The following C14orf132 variants were observed in gnomAD, a reference collection of about 807,000 sequenced individuals.
The protein encoded by C14orf132 is uncharacterized protein C14orf132.
Under a neutral mutation model 5.8 loss-of-function variants are expected in C14orf132, and 6 were observed. The observed-to-expected ratio is 1.03, with a 90% confidence interval of 0.57 to 2.04. The LOEUF (loss-of-function observed/expected upper bound fraction) is 2.04, where lower values mean the gene tolerates loss of function less well. Ranked by LOEUF, C14orf132 falls within the 30% of genes most tolerant of loss-of-function variation. C14orf132 has a pLI of 0.00. For synonymous variants in C14orf132, 51 were observed against 49.8 expected (o/e 1.02, Z -0.10); for missense variants, 125 against 115.8 (o/e 1.08, Z -0.37).
intron 1 of C14orf132, among the ~76,000 whole-genome samples, chr14:96,055,961 C>T (rs1354762147): frequency 1.3e-5 from 2 of 152,182 alleles, no homozygotes; most frequent in Non-Finnish European, 2.9e-5. Flanking sequence ...CTGGGTGGTA[C>T]TTTCTAAGCT....
intron 1 of C14orf132, among the ~76,000 whole-genome samples, chr14:96,054,288 A>G (rs200460486): frequency 1.3e-5 from 2 of 152,310 alleles, no homozygotes; most frequent in East Asian, 1.9e-4. Flanking sequence ...TGGCCCTGCC[A>G]CTGCGCTGCC....
rs2146934 is a variant in C14orf132 at position 96,092,544 on chromosome 14, C to G, written c.*5809C>G. 0.77 allele frequency: 117,345 copies of G among 152,170 alleles called. 45,669 individuals carry two copies. Among genetic ancestry groups the G allele is most frequent in the East Asian group, 0.95 (4,940 of 5,182 alleles). The allele number at this position is 152,170 out of a possible 1,614,324, so 9.4% of individuals were successfully genotyped here. On this transcript the variant is annotated 3_prime_UTR_variant, in exon 2 of 2. Transcript: ENST00000555004. ...TATCTGTCTCACTGGCTGTCTTTCT[C>G]CCAGTTTCTTAAAGAACCACACCAT...
rs140930817 is a variant in C14orf132 at position 96,092,013 on chromosome 14, C to A, written c.*5278C>A. The A allele has an allele frequency of 1.3e-5, 2 of 152,144 alleles. No homozygotes were observed. The highest frequency in any genetic ancestry group is 2.9e-5 in the Non-Finnish European group (2 of 68,030). The allele number at this position is 152,144 out of a possible 1,614,324, so 9.4% of individuals were successfully genotyped here. A position where few individuals can be genotyped will look rare whatever the true frequency, so the allele number is the denominator to read the frequency against. On this transcript the variant is annotated 3_prime_UTR_variant, in exon 2 of 2. Coordinates refer to ENST00000555004, the MANE Select transcript of C14orf132 (RefSeq NM_001252507.3). ...CAATGCAAATCTTCATGACTGAAGA[C>A]GATCAAAGACTCCCTGGAGCGAGAA...
In C14orf132 at chr14:96,091,054, A is replaced by G. The variant is rs1420662179; in HGVS notation, c.*4319A>G. 1 of 455,320 alleles carries G rather than the reference A, an allele frequency of 2.2e-6. No homozygotes were observed. Among genetic ancestry groups the G allele is most frequent in the Non-Finnish European group, 4.4e-6 (1 of 226,414 alleles). 28.2% of individuals were successfully genotyped at this position (455,320 alleles called of 1,614,324 possible). A position where few individuals can be genotyped will look rare whatever the true frequency, so the allele number is the denominator to read the frequency against. On this transcript the variant is annotated 3_prime_UTR_variant, in exon 2 of 2. Transcript: ENST00000555004. Reference sequence around the variant, plus strand: ...TGGGGGCAGGAATGAGGATGCAGAGAGATGCACGTTAATTACTGTCGCATT... The same window carrying G: ...TGGGGGCAGGAATGAGGATGCAGAGGGATGCACGTTAATTACTGTCGCATT...
intron 1 of C14orf132, among the ~76,000 whole-genome samples, chr14:96,050,560 C>T (rs2139648217): frequency 6.6e-6 from 1 of 151,948 alleles, no homozygotes; most frequent in African/African-American, 2.4e-5. Context: ...TTGAGTGGTC[C>T]CTCTCTCAAA....
chr14:96,069,445 A>T (rs893878229), intron 1 of C14orf132, among the ~76,000 whole-genome samples: 1 of 151,980 alleles, frequency 6.6e-6, no homozygotes, highest in African/African-American at 2.4e-5. Flanking sequence ...CTTTGGAAAT[A>T]TTTAAACTAT....
intron 1 of C14orf132, among the ~76,000 whole-genome samples, chr14:96,068,794 C>A (rs1887612394): frequency 6.6e-6 from 1 of 152,056 alleles, no homozygotes; most frequent in South Asian, 2.1e-4. Context: ...TTTAAAGTGT[C>A]GACTTGGCTG....
At chr14:96,066,717 T>C (rs1015297463) in intron 1 of C14orf132, among the ~76,000 whole-genome samples, 4 of 152,172 alleles carry the variant, frequency 2.6e-5, no homozygotes, top group African/African-American at 9.7e-5. Context: ...AAGTACACAG[T>C]TAACTATAAT....
chr14:96,042,544 T>C (rs2139638633), intron 1 of C14orf132, among the ~76,000 whole-genome samples: 1 of 152,344 alleles, frequency 6.6e-6, no homozygotes, highest in East Asian at 1.9e-4. Flanking sequence ...TTAAATGTGA[T>C]TCCTGTTTTT....
chr14:96,039,403 C>A lies in C14orf132; in HGVS notation c.-98C>A. ...CCGAGTGCGCCGTGCGGTCTCCGGACGCTCGCTGCTCAGCCCGATCCCCGC... is the reference window on the plus strand; with the variant it reads ...CCGAGTGCGCCGTGCGGTCTCCGGAAGCTCGCTGCTCAGCCCGATCCCCGC... On this transcript the variant is annotated 5_prime_UTR_variant, in exon 1 of 2. Coordinates refer to ENST00000555004, the MANE Select transcript of C14orf132 (RefSeq NM_001252507.3). This position sits in a 1 kb window ranked among gnomAD's most constrained non-coding sequence, Gnocchi z 5.3. 4 of 1,256,088 alleles carry A rather than the reference C, an allele frequency of 3.2e-6. No homozygotes were observed. The highest frequency in any genetic ancestry group is 4.2e-6 in the Non-Finnish European group (4 of 957,902). 77.8% of individuals were successfully genotyped at this position (1,256,088 alleles called of 1,614,324 possible).
At chr14:96,068,408 C>T (rs933542960) in intron 1 of C14orf132, among the ~76,000 whole-genome samples, 6 of 152,138 alleles carry the variant, frequency 3.9e-5, no homozygotes, top group Non-Finnish European at 5.9e-5. Flanking sequence ...CGGGGTGCTC[C>T]GTGCCCGTCC....
intron 1 of C14orf132, among the ~76,000 whole-genome samples, chr14:96,066,509 G>A (rs935980363): frequency 7.2e-5 from 11 of 152,126 alleles, no homozygotes; most frequent in Non-Finnish European, 1.6e-4. Flanking sequence ...ACAGAAAATA[G>A]AGCCAGCTCC....
chr14:96,067,853 G>C (rs1276980747), intron 1 of C14orf132, among the ~76,000 whole-genome samples: 1 of 152,038 alleles, frequency 6.6e-6, no homozygotes. Context: ...CTCAATGTTA[G>C]CATATGCAGG....
chr14:96,084,947 G>A (rs2139683533), intron 1 of C14orf132, among the ~76,000 whole-genome samples: 1 of 152,316 alleles, frequency 6.6e-6, no homozygotes, highest in South Asian at 2.1e-4. Flanking sequence ...GCAGGCCAGA[G>A]AGCTTCTGAG....
intron 1 of C14orf132, among the ~76,000 whole-genome samples, chr14:96,074,086 C>T (rs1887789611): frequency 1.3e-5 from 2 of 152,146 alleles, no homozygotes; most frequent in South Asian, 4.1e-4. Context: ...GGGCTTAATA[C>T]CTAGGTGATG....
At chr14:96,046,632 C>T (rs993304675) in intron 1 of C14orf132, among the ~76,000 whole-genome samples, 6 of 152,214 alleles carry the variant, frequency 3.9e-5, no homozygotes, top group Non-Finnish European at 8.8e-5. Flanking sequence ...TGGAATCTGG[C>T]CCTTGCCAGG....
Position 96,090,417 on chromosome 14 carries a change from A to G in C14orf132, c.*3682A>G, listed in dbSNP as rs2139691429. The G allele has an allele frequency of 1.4e-5, 4 of 284,008 alleles. No individual in the cohort carries two copies. Among genetic ancestry groups the G allele is most frequent in the South Asian group, 1.1e-4 (3 of 28,496 alleles). The allele number at this position is 284,008 out of a possible 1,614,324, so 17.6% of individuals were successfully genotyped here. On this transcript the variant is annotated 3_prime_UTR_variant, in exon 2 of 2. Coordinates refer to ENST00000555004, the MANE Select transcript of C14orf132 (RefSeq NM_001252507.3). ...AAAAAAAAAAAAAAGAAAAGAAAAAAAAAAAGAGCAACTTACTGCTTTGTG... is the reference window on the plus strand; with the variant it reads ...AAAAAAAAAAAAAAGAAAAGAAAAAGAAAAAGAGCAACTTACTGCTTTGTG...
intron 1 of C14orf132, among the ~76,000 whole-genome samples, chr14:96,080,799 G>A (rs1181123067): frequency 2.0e-5 from 3 of 152,060 alleles, no homozygotes; most frequent in African/African-American, 7.2e-5. Context: ...GCCACCCCAT[G>A]CTACATGGTG....
At chr14:96,082,674 C>G (rs1391007107) in intron 1 of C14orf132, among the ~76,000 whole-genome samples, 2 of 152,202 alleles carry the variant, frequency 1.3e-5, no homozygotes, top group Middle Eastern at 3.4e-3. Context: ...ATCGATCACA[C>G]AAAAAGCACA....
Sources: gnomAD v4.1 joint callset for allele counts (sites outside exome capture counted in the v4.1 genomes callset) on GRCh38, gnomAD v4.1.1 for gene constraint, Gnocchi (gnomAD v3.1) non-coding constraint, MANE v1.5 for transcripts, NCBI Gene and HGNC (gene_info 2026-07-23, HGNC 2026-07-21) for gene names.